Variants in NUBPL observed in about 807,000 individuals in gnomAD.
NUBPL encodes the protein NUBP iron-sulfur cluster assembly factor, mitochondrial.
In NUBPL, 31 loss-of-function variants were observed where a neutral mutation model predicts 45.7. The ratio of observed to expected loss-of-function variants is 0.68; its 90% CI spans 0.51 to 0.92. The LOEUF is 0.92. Ranked by LOEUF, NUBPL falls within the 40% of genes least tolerant of loss-of-function variation. The pLI is 0.00. For synonymous variants in NUBPL, 144 were observed against 140.9 expected, an observed-to-expected ratio of 1.02 and a Z score of -0.15; for missense variants, 401 against 398.7, an observed-to-expected ratio of 1.01 and a Z score of -0.05.
At chr14:31,668,543 C>T (rs543803393) in intron 4 of NUBPL, among the ~76,000 whole-genome samples, 8 of 152,274 alleles carry the variant, frequency 5.3e-5, no homozygotes, top group African/African-American at 1.9e-4. Flanking sequence ...CTGGGTTCAG[C>T]CCCTTTTCAG....
chr14:31,563,636 A>G (rs1472878568), intron 2 of NUBPL, among the ~76,000 whole-genome samples: 1 of 152,190 alleles, frequency 6.6e-6, no homozygotes, highest in East Asian at 1.9e-4. Flanking sequence ...TCCTGCCTCA[A>G]ACTACTTCAA....
intron 8 of NUBPL, among the ~76,000 whole-genome samples, chr14:31,827,659 T>G (rs1313650339): frequency 6.6e-6 from 1 of 152,202 alleles, no homozygotes; most frequent in African/African-American, 2.4e-5. Context: ...CTTTTTAAAC[T>G]TTAGTCTGTA....
At chr14:31,637,977 T>C (rs1191943156) in intron 4 of NUBPL, among the ~76,000 whole-genome samples, 1 of 152,208 alleles carries the variant, frequency 6.6e-6, no homozygotes, top group African/African-American at 2.4e-5. Flanking sequence ...TGAGCCTATA[T>C]GTGTCTCTGC....
intron 4 of NUBPL, among the ~76,000 whole-genome samples, chr14:31,662,762 A>T (rs182295532): frequency 2.6e-5 from 4 of 152,326 alleles, no homozygotes; most frequent in East Asian, 3.9e-4. Flanking sequence ...TAGTGCTGCA[A>T]TAAATATCCA....
At chr14:31,773,804 A>C (rs1265179130) in intron 6 of NUBPL, among the ~76,000 whole-genome samples, 1 of 152,234 alleles carries the variant, frequency 6.6e-6, no homozygotes, top group African/African-American at 2.4e-5. Context: ...CCAGAATCAG[A>C]TACAAGGACA....
intron 4 of NUBPL, among the ~76,000 whole-genome samples, chr14:31,661,478 G>T (rs1338129790): frequency 2.6e-5 from 4 of 152,196 alleles, no homozygotes; most frequent in Non-Finnish European, 5.9e-5. Context: ...GAGTTGTTGT[G>T]TAGAGTCTTT....
intron 6 of NUBPL, among the ~76,000 whole-genome samples, chr14:31,711,139 C>T (rs577823561): frequency 3.3e-5 from 5 of 152,264 alleles, no homozygotes; most frequent in South Asian, 4.1e-4. Flanking sequence ...TTGAGGGTTC[C>T]GCTCATGGCC....
At chr14:31,834,408 T>C (rs192121934) in intron 8 of NUBPL, among the ~76,000 whole-genome samples, 96 of 152,210 alleles carry the variant, frequency 6.3e-4, no homozygotes, top group African/African-American at 2.2e-3. Context: ...CTCGATCTCC[T>C]GACTTCATGA....
intron 4 of NUBPL, among the ~76,000 whole-genome samples, chr14:31,655,609 G>T (rs1404825827): frequency 6.6e-6 from 1 of 152,122 alleles, no homozygotes; most frequent in Non-Finnish European, 1.5e-5. Context: ...GCTACTTTGG[G>T]TGCTGAGGCA....
At chr14:31,591,235 T>TCTTG (rs2034134525) in intron 3 of NUBPL, among the ~76,000 whole-genome samples, 1 of 152,190 alleles carries the variant, frequency 6.6e-6, no homozygotes, top group South Asian at 2.1e-4. Context: ...TAATCTCTGC[T>TCTTG]CACTGCAACC....
At chr14:31,827,127 G>A (rs1566585672) in intron 8 of NUBPL, among the ~76,000 whole-genome samples, 1 of 152,064 alleles carries the variant, frequency 6.6e-6, no homozygotes, top group African/African-American at 2.4e-5. Flanking sequence ...CTTCTTCTAG[G>A]AGACACTTCA....
chr14:31,814,739 T>G (rs2039881692), intron 7 of NUBPL, among the ~76,000 whole-genome samples: 1 of 152,224 alleles, frequency 6.6e-6, no homozygotes, highest in South Asian at 2.1e-4. Flanking sequence ...GGGTCCAGTT[T>G]CAGTTTTCTG....
intron 4 of NUBPL, among the ~76,000 whole-genome samples, chr14:31,620,244 G>A (rs909142062): frequency 1.4e-4 from 22 of 151,994 alleles, no homozygotes; most frequent in Non-Finnish European, 2.6e-4. Flanking sequence ...GTAGCTCAGA[G>A]GAGTTTGTTA....
intron 7 of NUBPL, among the ~76,000 whole-genome samples, chr14:31,788,275 A>G (rs1200214089): frequency 6.6e-6 from 1 of 152,222 alleles, no homozygotes; most frequent in Non-Finnish European, 1.5e-5. Flanking sequence ...ATGCTCTGAA[A>G]GAGGAGGCAG....
At position 31,562,196 on chromosome 14, in the gene NUBPL, C is replaced by G. The variant is rs1300865369; in HGVS notation, c.237C>G (p.Val79=). 6.2e-7 allele frequency: 1 copy of G among 1,613,830 alleles called. No individual in the cohort carries two copies. The highest frequency in any genetic ancestry group is 2.2e-5 in the East Asian group (1 of 44,872). The change falls in exon 2 of 11, where the codon GTC becomes GTG. Residue 79 remains valine (V), a synonymous_variant. Coordinates refer to ENST00000281081, the MANE Select transcript of NUBPL (RefSeq NM_025152.3). Reference sequence around the variant, plus strand: ...TTGTGGCTTCTGGAAAGGGTGGAGTCGGAAAATCTACTACAGCAGGTATTA... The same window carrying G: ...TTGTGGCTTCTGGAAAGGGTGGAGTGGGAAAATCTACTACAGCAGGTATTA... The part of the protein sequence containing the change: ...VIVVASGKGG[V]GKSTTAVNLA...
At chr14:31,746,356 A>G (rs1289868227) in intron 6 of NUBPL, among the ~76,000 whole-genome samples, 2 of 152,046 alleles carry the variant, frequency 1.3e-5, no homozygotes, top group African/African-American at 2.4e-5. Flanking sequence ...GTGTTTAGAT[A>G]CATACTTTCT....
intron 6 of NUBPL, among the ~76,000 whole-genome samples, chr14:31,684,157 G>C (rs1271550498): frequency 6.6e-6 from 1 of 152,146 alleles, no homozygotes; most frequent in African/African-American, 2.4e-5. Context: ...GTGACCTTGG[G>C]CAGAAACTTC....
At chr14:31,766,339 T>G (rs1255792824) in intron 6 of NUBPL, among the ~76,000 whole-genome samples, 1 of 152,220 alleles carries the variant, frequency 6.6e-6, no homozygotes, top group East Asian at 1.9e-4. Context: ...TAGGGCCTAG[T>G]CATTTAATTA....
intron 6 of NUBPL, among the ~76,000 whole-genome samples, chr14:31,712,377 AG>A (rs1358749118): frequency 6.6e-6 from 1 of 152,212 alleles, no homozygotes; most frequent in South Asian, 2.1e-4. Context: ...GGCAGCCCAG[AG>A]GGAGTTCGTC....
Sources: allele counts gnomAD v4.1 joint callset (sites outside exome capture counted in the v4.1 genomes callset), GRCh38; gene constraint gnomAD v4.1.1; transcripts MANE v1.5; gene names NCBI Gene and HGNC (gene_info 2026-07-23, HGNC 2026-07-21).